Variants in CAPRIN1 observed in about 807,000 individuals in gnomAD.
CAPRIN1 encodes the protein cell cycle associated protein 1, also known as caprin-1.
CAPRIN1 carries 29 observed loss-of-function variants against 100.9 expected under a neutral mutation model. The ratio of observed to expected loss-of-function variants is 0.29; its 90% CI spans 0.21 to 0.39. CAPRIN1 has a LOEUF of 0.39. Ranked by LOEUF, CAPRIN1 falls within the 10% of genes least tolerant of loss-of-function variation. The probability of loss-of-function intolerance (pLI) is 1.00; values close to 1 mark genes in which losing one functional copy is unlikely to be tolerated. For synonymous variants in CAPRIN1, 338 were observed against 307.5 expected (o/e 1.10, Z -1.04); for missense variants, 795 against 876.7 (o/e 0.91, Z 1.18).
At position 34,062,027 on chromosome 11, in the gene CAPRIN1, T is replaced by C. The variant is rs574984899; in HGVS notation, c.216+9391T>C. On this transcript the variant is annotated intron_variant, in intron 2 of 18. Coordinates refer to ENST00000341394, the MANE Select transcript of CAPRIN1 (RefSeq NM_005898.5). ...CCACTGTTTAATAGTCTTTGTTTTC[T>C]GGAACAGCATAGACTCCCGCTACAT... is the stretch of plus-strand genomic sequence containing the variant. Among the ~76,000 whole-genome samples, 5 of 152,226 alleles carry C rather than the reference T, an allele frequency of 3.3e-5. No homozygotes were observed. In the South Asian group the frequency reaches 1.0e-3, roughly 32 times the overall value.
intron 2 of CAPRIN1, among the ~76,000 whole-genome samples, chr11:34,058,207 G>C (rs1850495643): frequency 6.6e-6 from 1 of 152,056 alleles, no homozygotes; most frequent in Non-Finnish European, 1.5e-5. Context: ...TGCAATCTCA[G>C]CTCACTGCAA....
At chr11:34,086,467 G>T in intron 11 of CAPRIN1, 54 bp downstream of exon 11, 2 of 1,035,204 alleles carry the variant, frequency 1.9e-6, no homozygotes, top group Non-Finnish European at 1.4e-6. Context: ...AGTACTTTCA[G>T]GTTTTAAAAA....
intron 6 of CAPRIN1, among the ~76,000 whole-genome samples, chr11:34,077,495 G>C (rs1383259229): frequency 6.6e-6 from 1 of 152,204 alleles, no homozygotes; most frequent in African/African-American, 2.4e-5. Flanking sequence ...TCTCAAACAT[G>C]CAACTGTGAA....
At chr11:34,060,195 C>CA (rs1175800677) in intron 2 of CAPRIN1, among the ~76,000 whole-genome samples, 1,861 of 38,854 alleles carry the variant, frequency 0.048, 57 homozygotes, top group East Asian at 0.09. Flanking sequence ...TACTCCATCT[C>CA]AAAAAAAAAA....
chr11:34,055,430 C>T (rs561656681), intron 2 of CAPRIN1, among the ~76,000 whole-genome samples: 138 of 152,336 alleles, frequency 9.1e-4, no homozygotes, highest in African/African-American at 3.2e-3. Flanking sequence ...TCAAGCGATT[C>T]TCCTGCCTCG....
At chr11:34,064,110 G>T (rs1355794860) in intron 2 of CAPRIN1, among the ~76,000 whole-genome samples, 1 of 152,050 alleles carries the variant, frequency 6.6e-6, no homozygotes, top group African/African-American at 2.4e-5. Flanking sequence ...TCATTCTCTA[G>T]GAAAAATACT....
rs75973536 is a variant in CAPRIN1 at position 34,069,740 on chromosome 11, A to C, written c.217-1986A>C. On this transcript the variant is annotated intron_variant, in intron 2 of 18. Transcript: ENST00000341394. ...ATAGATGGTGTGAAATAGTTCATCT[A>C]ATAATAAAATTGGGTACTATTAAAA... Among the ~76,000 whole-genome samples, 1,343 of 152,194 alleles carry C rather than the reference A, an allele frequency of 8.8e-3. 8 individuals are homozygous for C. Among genetic ancestry groups the C allele is most frequent in the Middle Eastern group, 0.037 (11 of 294 alleles).
At chr11:34,092,127 T>G in intron 15 of CAPRIN1, 71 bp downstream of exon 15, 1 of 1,473,702 alleles carries the variant, frequency 6.8e-7, no homozygotes, top group Non-Finnish European at 9.2e-7. Context: ...TAGGACAGTT[T>G]AGACTTCAGA....
intron 15 of CAPRIN1, among the ~76,000 whole-genome samples, chr11:34,093,270 G>A (rs1328431583): frequency 6.6e-6 from 1 of 151,552 alleles, no homozygotes; most frequent in Non-Finnish European, 1.5e-5. Flanking sequence ...ATCAGATACT[G>A]GAGCCTTTAA....
At chr11:34,091,389 C>T (rs913720983) in intron 14 of CAPRIN1, among the ~76,000 whole-genome samples, 1 of 152,116 alleles carries the variant, frequency 6.6e-6, no homozygotes, top group African/African-American at 2.4e-5. Context: ...TGGGTTCAAG[C>T]GATTCTCATG....
At chr11:34,063,957 G>C (rs1180416032) in intron 2 of CAPRIN1, among the ~76,000 whole-genome samples, 1 of 151,952 alleles carries the variant, frequency 6.6e-6, no homozygotes, top group African/African-American at 2.4e-5. Flanking sequence ...TAGTAGAGAC[G>C]GGGTTTCTCC....
Position 34,051,814 on chromosome 11 carries a change from C to T in CAPRIN1, c.-58C>T, listed in dbSNP as rs913232442. ...GCGCGACACTGCCCGGAAGGGACCA[C>T]CACCCTTGCCCCCTCAGCTGCCCAC... On this transcript the variant is annotated 5_prime_UTR_variant, in exon 1 of 19. Transcript: ENST00000341394. The T allele has an allele frequency of 6.5e-6, 1 of 152,694 alleles. No homozygotes were observed. Among genetic ancestry groups the T allele is most frequent in the Non-Finnish European group, 1.5e-5 (1 of 68,446 alleles). 9.5% of individuals were successfully genotyped at this position (152,694 alleles called of 1,614,324 possible).
intron 17 of CAPRIN1, 127 bp downstream of exon 17, chr11:34,097,423 T>C: frequency 1.2e-6 from 1 of 813,586 alleles, no homozygotes; most frequent in Non-Finnish European, 2.0e-6. Flanking sequence ...GACACTCTGT[T>C]GAAACAAAAG....
rs531594560 is a variant in CAPRIN1, at chr11:34,079,655, G to A, written c.716G>A (p.Arg239His). Residue 239 changes from arginine (R) to histidine (H), a missense_variant, in exon 7 of 19, where the codon CGT (arginine) becomes CAT (histidine). Coordinates refer to ENST00000341394, the MANE Select transcript of CAPRIN1 (RefSeq NM_005898.5). ...AAAGTTCTAAAGGAAATTGTTGAGCGTGTTTTTCAGTCAAACTACTTTGAC... is the reference window on the plus strand; with the variant it reads ...AAAGTTCTAAAGGAAATTGTTGAGCATGTTTTTCAGTCAAACTACTTTGAC... ...TYKVLKEIVERVFQSNYFDST... is the reference protein window; with the variant it reads ...TYKVLKEIVEHVFQSNYFDST... 6.8e-5 allele frequency: 109 copies of A among 1,613,820 alleles called. No homozygotes were observed. The East Asian group carries it at 2.1e-3, about 32-fold the overall frequency.
intron 9 of CAPRIN1, among the ~76,000 whole-genome samples, chr11:34,084,387 A>G (rs1281266694): frequency 1.3e-5 from 2 of 152,230 alleles, no homozygotes; most frequent in Non-Finnish European, 2.9e-5. Context: ...GGAAGTCCCA[A>G]CAAAATAGTG....
intron 2 of CAPRIN1, among the ~76,000 whole-genome samples, chr11:34,061,200 CTTTT>C (rs770158492): frequency 2.9e-5 from 3 of 102,848 alleles, no homozygotes; most frequent in Admixed American, 1.0e-4. Flanking sequence ...AGGTAACATC[CTTTT>C]TTTTTTTTTT....
chr11:34,096,362 T>C, intron 15 of CAPRIN1, 117 bp from the exon 16 acceptor site: 1 of 658,092 alleles, frequency 1.5e-6, no homozygotes, highest in South Asian at 2.0e-5. Context: ...TGTATGCAAA[T>C]TTAAGGATTA....
Position 34,097,813 on chromosome 11 carries a change from C to G in CAPRIN1, c.2065+52C>G, listed in dbSNP as rs1590750088. On this transcript the variant is annotated intron_variant, in intron 18 of 18. Transcript: ENST00000341394. The stretch of plus-strand genomic sequence containing the variant: ...CTCCTAAGTGGAGCTTCTGTTCTGG[C>G]CTTGGAAGAGCTGTTAATAGTCTGC... 1.9e-6 allele frequency: 3 copies of G among 1,613,408 alleles called. No individual in the cohort carries two copies. In the East Asian group the frequency reaches 6.7e-5, roughly 36 times the overall value.
intron 2 of CAPRIN1, 73 bp from the exon 3 acceptor site, chr11:34,071,653 G>T: frequency 9.9e-7 from 1 of 1,012,112 alleles, no homozygotes; most frequent in Non-Finnish European, 1.5e-6. Flanking sequence ...GATTGTGAGG[G>T]TTTTGTCAAG....
Sources: allele counts gnomAD v4.1 joint callset (sites outside exome capture counted in the v4.1 genomes callset), GRCh38; gene constraint gnomAD v4.1.1; transcripts MANE v1.5; gene names NCBI Gene and HGNC (gene_info 2026-07-23, HGNC 2026-07-21).